FAM53A: variants seen among roughly 807,000 people sequenced by gnomAD.
The protein encoded by FAM53A is protein FAM53A.
In FAM53A, 28 loss-of-function variants were observed where a neutral mutation model predicts 26.6. That is an observed-to-expected ratio of 1.05 (90% CI 0.78 to 1.45). FAM53A has a LOEUF of 1.45. Among genes scored for constraint, FAM53A ranks in the 40% most tolerant of loss-of-function variants. The pLI is 0.00. For synonymous variants in FAM53A, 290 were observed against 253.1 expected, an observed-to-expected ratio of 1.15 and a Z score of -1.38; for missense variants, 650 against 575.8, an observed-to-expected ratio of 1.13 and a Z score of -1.32.
At chr4:1,674,105 C>T (rs1025991997) in intron 1 of FAM53A, among the ~76,000 whole-genome samples, 1 of 152,188 alleles carries the variant, frequency 6.6e-6, no homozygotes, top group African/African-American at 2.4e-5. Flanking sequence ...TTCTGGAGGC[C>T]GGAAGTCCAA....
downstream of FAM53A, among the ~76,000 whole-genome samples, chr4:1,612,981 G>A (rs750056927): frequency 9.2e-5 from 14 of 152,180 alleles, no homozygotes; most frequent in Non-Finnish European, 1.9e-4. Flanking sequence ...GCATGCACAC[G>A]CAAGCACAGA....
chr4:1,631,326 C>A (rs947788222), intron 1 of FAM53A, among the ~76,000 whole-genome samples: 4 of 152,358 alleles, frequency 2.6e-5, no homozygotes, highest in African/African-American at 4.8e-5. Flanking sequence ...TCTCCATCAA[C>A]CCCATGTCCC....
In FAM53A at chr4:1,640,817, G is replaced by T; in HGVS notation, c.*476C>A. The stretch of plus-strand genomic sequence containing the variant: ...TCACAGGAAACCTACTCTGTGCCCC[G>T]GGGCAGGTGCAGGCGGCAGCCATGG... On this transcript the variant is annotated 3_prime_UTR_variant, in exon 5 of 5. Transcript: ENST00000308132. 2.9e-6 allele frequency: 1 copy of T among 349,244 alleles called. No individual in the cohort carries two copies. The highest frequency in any genetic ancestry group is 2.0e-5 in the South Asian group (1 of 50,666). 21.6% of individuals were successfully genotyped at this position (349,244 alleles called of 1,614,324 possible). A position where few individuals can be genotyped will look rare whatever the true frequency, so the allele number is the denominator to read the frequency against.
rs1290911770 is a variant in FAM53A at position 1,659,363 on chromosome 4, G to C, written c.76-1895C>G. Among the ~76,000 whole-genome samples, 1 of 152,230 alleles carries C rather than the reference G, an allele frequency of 6.6e-6. No homozygotes were observed. The highest frequency in any genetic ancestry group is 1.5e-5 in the Non-Finnish European group (1 of 68,034). On this transcript the variant is annotated intron_variant, in intron 2 of 4. Coordinates refer to ENST00000308132, the MANE Select transcript of FAM53A (RefSeq NM_001174070.3). This position sits in a 1 kb window ranked among gnomAD's most constrained non-coding sequence, Gnocchi z 5.2. ...TCCCCGCAGCAAGCACCAGGACCTCGCTCTCCTCCTGTTCCGCACAGCACC... is the reference window on the plus strand; with the variant it reads ...TCCCCGCAGCAAGCACCAGGACCTCCCTCTCCTCCTGTTCCGCACAGCACC...
intron 1 of FAM53A, chr4:1,683,773 G>A (rs954003188): frequency 6.6e-6 from 1 of 152,282 alleles, no homozygotes; most frequent in Non-Finnish European, 1.5e-5. Flanking sequence ...CACCCCTCTA[G>A]AGTCCGGCAG....
chr4:1,641,737 T>C lies in FAM53A; in HGVS notation c.883-130A>G, dbSNP rs1577102485. 1.1e-5 allele frequency: 10 copies of C among 910,558 alleles called. No homozygotes were observed. The East Asian group carries it at 2.5e-4, about 22-fold the overall frequency. The allele number at this position is 910,558 out of a possible 1,614,324, so 56.4% of individuals were successfully genotyped here. A position where few individuals can be genotyped will look rare whatever the true frequency, so the allele number is the denominator to read the frequency against. On this transcript the variant is annotated intron_variant, in intron 4 of 4. Coordinates refer to ENST00000308132, the MANE Select transcript of FAM53A (RefSeq NM_001174070.3). ...CCCAAGACCACACAAAGCAGGGGCC[T>C]TGGTCCCCTGTACACCAGCCACAGC...
intron 1 of FAM53A, among the ~76,000 whole-genome samples, chr4:1,677,429 C>T (rs1245623601): frequency 2.0e-5 from 3 of 152,234 alleles, no homozygotes; most frequent in Non-Finnish European, 4.4e-5. Context: ...ATGCTTCACC[C>T]CCAAGGGCTC....
At chr4:1,637,449 G>A (rs913883471), downstream of FAM53A, among the ~76,000 whole-genome samples, 1 of 152,150 alleles carries the variant, frequency 6.6e-6, no homozygotes. Context: ...GGGGAGGATG[G>A]AGACGTATTC....
At chr4:1,638,966 G>C (rs1261775100), downstream of FAM53A, among the ~76,000 whole-genome samples, 2 of 152,338 alleles carry the variant, frequency 1.3e-5, no homozygotes, top group East Asian at 3.9e-4. Context: ...ACTGCAGGGA[G>C]GGGGCGAGGC....
chr4:1,635,535 C>A (rs2108784163), downstream of FAM53A, among the ~76,000 whole-genome samples: 1 of 152,272 alleles, frequency 6.6e-6, no homozygotes, highest in Non-Finnish European at 1.5e-5. Flanking sequence ...GTTGGCCTTC[C>A]AAAGTGCTAG....
Position 1,641,336 on chromosome 4 carries a change from C to T in FAM53A, c.1154G>A (p.Arg385Gln), listed in dbSNP as rs761689023. The T allele has an allele frequency of 2.3e-5, 37 of 1,611,638 alleles. No individual in the cohort carries two copies. The highest frequency in any genetic ancestry group is 1.1e-4 in the East Asian group (5 of 44,876). ...CTCCAGGTCCAGCTCCCAGCGGGCC[C>T]GGGGGAAGACGCCCTCCTCCCCGAC... The part of the protein sequence containing the change: ...DSVGEEGVFP[R>Q]ARWELDLEQI... Residue 385 changes from arginine to glutamine, a missense_variant, in exon 5 of 5, where the codon CGG (arginine) becomes CAG (glutamine). Coordinates refer to ENST00000308132, the MANE Select transcript of FAM53A (RefSeq NM_001174070.3).
rs533175481 is a variant in FAM53A at position 1,642,940 on chromosome 4, G to C, written c.883-1333C>G. Among the ~76,000 whole-genome samples, 3 of 152,306 alleles carry C rather than the reference G, an allele frequency of 2.0e-5. No homozygotes were observed. In the East Asian group the frequency reaches 5.8e-4, roughly 29 times the overall value. On this transcript the variant is annotated intron_variant, in intron 4 of 4. Coordinates refer to ENST00000308132, the MANE Select transcript of FAM53A (RefSeq NM_001174070.3). ...GGGGCGCCATGATGCCGATGACAAG[G>C]CCACACTGACACAGCACCCTCGGCC...
the FAM53A span, among the ~76,000 whole-genome samples, chr4:1,606,529 A>G: frequency 6.6e-6 from 1 of 152,020 alleles, no homozygotes; most frequent in Admixed American, 6.6e-5. Context: ...AGACCCCCAG[A>G]GTGTGTGAGG....
At chr4:1,620,994 T>C (rs1002394231) in intron 1 of FAM53A, among the ~76,000 whole-genome samples, 1 of 152,000 alleles carries the variant, frequency 6.6e-6, no homozygotes, top group Non-Finnish European at 1.5e-5. Flanking sequence ...CACCTCATGG[T>C]TCAAATGGCT....
At chr4:1,602,924 G>A in the FAM53A span, among the ~76,000 whole-genome samples, 6 of 152,296 alleles carry the variant, frequency 3.9e-5, no homozygotes, top group Non-Finnish European at 7.4e-5. Flanking sequence ...CCGTCTACCC[G>A]CCAGGCCAGC....
chr4:1,629,733 G>A (rs1715526889), intron 1 of FAM53A, among the ~76,000 whole-genome samples: 1 of 152,218 alleles, frequency 6.6e-6, no homozygotes, highest in South Asian at 2.1e-4. Flanking sequence ...CCAACCTGGG[G>A]TCCCTTTGGG....
chr4:1,671,227 G>A (rs1714628199), intron 1 of FAM53A, among the ~76,000 whole-genome samples: 1 of 142,628 alleles, frequency 7.0e-6, no homozygotes, highest in African/African-American at 2.7e-5. Flanking sequence ...AGAGCCCCCA[G>A]CTCACAGCCA....
chr4:1,680,690 A>G (rs2109074765), intron 1 of FAM53A, among the ~76,000 whole-genome samples: 1 of 152,266 alleles, frequency 6.6e-6, no homozygotes, highest in African/African-American at 2.4e-5. Flanking sequence ...ATTTAAATGC[A>G]TGTCACTAAG....
upstream of FAM53A, among the ~76,000 whole-genome samples, chr4:1,685,606 C>T (rs1715769374): frequency 6.6e-6 from 1 of 152,084 alleles, no homozygotes; most frequent in Non-Finnish European, 1.5e-5. Flanking sequence ...GTGCAGGCTG[C>T]GAAGCCAGGC....
Sources: gnomAD v4.1 joint callset for allele counts (sites outside exome capture counted in the v4.1 genomes callset) on GRCh38, gnomAD v4.1.1 for gene constraint, Gnocchi (gnomAD v3.1) non-coding constraint, MANE v1.5 for transcripts, NCBI Gene and HGNC (gene_info 2026-07-23, HGNC 2026-07-21) for gene names.